FBXO10: variants seen among roughly 807,000 people sequenced by gnomAD.
FBXO10 encodes F-box protein 10, also known as F-box only protein 10.
A neutral mutation model predicts 80.7 loss-of-function variants in FBXO10; 39 were observed. The observed-to-expected ratio is 0.48, with a 90% CI of 0.37 to 0.63. The LOEUF (loss-of-function observed/expected upper bound fraction) is 0.63, where lower values mean the gene tolerates loss of function less well. Among genes scored for constraint, FBXO10 ranks in the 30% least tolerant of loss-of-function variants. FBXO10 has a pLI of 0.00. For synonymous variants in FBXO10, 449 were observed against 489.6 expected, an observed-to-expected ratio of 0.92 and a Z score of 1.09; for missense variants, 1,025 against 1,269.0, an observed-to-expected ratio of 0.81 and a Z score of 2.92.
Position 37,537,948 on chromosome 9 carries a change from G to C in FBXO10, c.586-5C>G. The C allele has an allele frequency of 6.2e-7, 1 of 1,609,810 alleles. No individual in the cohort carries two copies. The highest frequency in any genetic ancestry group is 8.5e-7 in the Non-Finnish European group (1 of 1,176,826). On this transcript the variant is annotated splice_polypyrimidine_tract_variant and splice_region_variant and intron_variant, in intron 2 of 10. Transcript: ENST00000432825. ...CTGGACGTGACCTGATGTTGTCTGG[G>C]GAATGAAAAGAAGAAAACGGCTGTA... is the stretch of plus-strand genomic sequence containing the variant.
At chr9:37,549,366 G>C (rs1017447268) in intron 1 of FBXO10, among the ~76,000 whole-genome samples, 2 of 152,140 alleles carry the variant, frequency 1.3e-5, no homozygotes, top group Non-Finnish European at 2.9e-5. Flanking sequence ...GTAGTTTAGA[G>C]AATCATTTTA....
At chr9:37,524,382 C>T (rs947843173) in intron 6 of FBXO10, among the ~76,000 whole-genome samples, 4 of 152,250 alleles carry the variant, frequency 2.6e-5, no homozygotes, top group African/African-American at 9.6e-5. Context: ...CAGTGGCTGA[C>T]AGCCTCGTTC....
chr9:37,553,475 G>C (rs751407014), intron 1 of FBXO10, among the ~76,000 whole-genome samples: 4 of 152,030 alleles, frequency 2.6e-5, no homozygotes, highest in African/African-American at 7.3e-5. Flanking sequence ...AGTCCTCCTG[G>C]CACAACCCCT....
At chr9:37,550,868 C>T (rs189496574) in intron 1 of FBXO10, among the ~76,000 whole-genome samples, 102 of 152,322 alleles carry the variant, frequency 6.7e-4, no homozygotes, top group Non-Finnish European at 6.5e-4. Context: ...CAAAGTGCAT[C>T]CATCCCAATA....
intron 1 of FBXO10, among the ~76,000 whole-genome samples, chr9:37,574,912 C>A (rs923889163): frequency 6.6e-6 from 1 of 152,184 alleles, no homozygotes; most frequent in Non-Finnish European, 1.5e-5. Context: ...TTCCATATAG[C>A]TGCTGAATAA....
chr9:37,560,632 TTTTA>T (rs1588857396), intron 1 of FBXO10, among the ~76,000 whole-genome samples: 1 of 40,668 alleles, frequency 2.5e-5, no homozygotes, highest in African/African-American at 1.9e-4. Context: ...AGGTAACACT[TTTTA>T]TTTTATTTTT....
At chr9:37,539,319 C>T (rs1216541028) in intron 2 of FBXO10, among the ~76,000 whole-genome samples, 1 of 152,216 alleles carries the variant, frequency 6.6e-6, no homozygotes, top group Non-Finnish European at 1.5e-5. Flanking sequence ...TAAGGTTCTC[C>T]TTAGAAGTCA....
At chr9:37,564,525 T>C (rs896593681) in intron 1 of FBXO10, among the ~76,000 whole-genome samples, 1 of 152,134 alleles carries the variant, frequency 6.6e-6, no homozygotes, top group Non-Finnish European at 1.5e-5. Flanking sequence ...AGGAGGTGGG[T>C]TGTATCCTGC....
chr9:37,541,348 A>G lies in FBXO10; in HGVS notation c.421T>C (p.Tyr141His). 6.2e-7 allele frequency: 1 copy of G among 1,613,976 alleles called. No homozygotes were observed. The highest frequency in any genetic ancestry group is 1.7e-5 in the Admixed American group (1 of 60,016). ...YDRIVLFPGV[Y>H]EEQGEIILKV... The stretch of plus-strand genomic sequence containing the variant: ...AAGATGATTTCACCTTGCTCTTCGT[A>G]CACACCTGGGAAGAGCACAATTCGG... Residue 141 changes from tyrosine to histidine, a missense_variant, in exon 2 of 11, where the codon TAC becomes CAC. Physicochemically the swap from Tyr to His is moderately conservative, Grantham distance 83 (BLOSUM62 2). Transcript: ENST00000432825.
chr9:37,564,323 C>A (rs1172192955), intron 1 of FBXO10, among the ~76,000 whole-genome samples: 1 of 152,112 alleles, frequency 6.6e-6, no homozygotes, highest in Admixed American at 6.5e-5. Flanking sequence ...ATGGAGAACA[C>A]CTGCTTGGGC....
chr9:37,522,777 A>T (rs1821374828), intron 7 of FBXO10, 48 bp downstream of exon 7: 5 of 1,546,786 alleles, frequency 3.2e-6, no homozygotes, highest in Non-Finnish European at 4.4e-6. Context: ...CTGGAGATGG[A>T]ACCTGGGCTT....
chr9:37,554,735 T>C (rs1459310343), intron 1 of FBXO10, among the ~76,000 whole-genome samples: 2 of 152,242 alleles, frequency 1.3e-5, no homozygotes, highest in Admixed American at 1.3e-4. Context: ...GCATAATATT[T>C]TGAGATTCAT....
At chr9:37,564,084 G>A (rs913224606) in intron 1 of FBXO10, among the ~76,000 whole-genome samples, 8 of 152,226 alleles carry the variant, frequency 5.3e-5, no homozygotes, top group Non-Finnish European at 1.2e-4. Flanking sequence ...ATGGTACCCT[G>A]CATCCCAGCT....
At chr9:37,563,989 C>A (rs983463193) in intron 1 of FBXO10, among the ~76,000 whole-genome samples, 10 of 152,210 alleles carry the variant, frequency 6.6e-5, no homozygotes, top group Non-Finnish European at 1.2e-4. Flanking sequence ...CCCCTCCCAT[C>A]ACAGGCCCAA....
chr9:37,512,717 C>G lies in FBXO10; in HGVS notation c.2701G>C (p.Asp901His). 1 of 1,613,266 alleles carries G rather than the reference C, an allele frequency of 6.2e-7. No homozygotes were observed. Among genetic ancestry groups the G allele is most frequent in the Non-Finnish European group, 8.5e-7 (1 of 1,179,484 alleles). Residue 901 changes from aspartate to histidine, a missense_variant, in exon 11 of 11, where the codon GAT becomes CAT. Transcript: ENST00000432825. ...NKFLVFKKKSDTWRLVNPPAR... is the reference protein window; with the variant it reads ...NKFLVFKKKSHTWRLVNPPAR... ...GGTGGGTTCACCAGGCGCCACGTATCAGACCTGGAGGTGCAAAACGAAAGT... is the reference window on the plus strand; with the variant it reads ...GGTGGGTTCACCAGGCGCCACGTATGAGACCTGGAGGTGCAAAACGAAAGT...
At chr9:37,551,149 A>T (rs1027318803) in intron 1 of FBXO10, among the ~76,000 whole-genome samples, 17 of 152,328 alleles carry the variant, frequency 1.1e-4, no homozygotes, top group South Asian at 8.3e-4. Context: ...AACAACACTA[A>T]ATCTTAAGGC....
At chr9:37,530,261 T>G (rs1216801390) in intron 4 of FBXO10, among the ~76,000 whole-genome samples, 1 of 152,246 alleles carries the variant, frequency 6.6e-6, no homozygotes, top group Non-Finnish European at 1.5e-5. Context: ...CTTTAAAGTG[T>G]TTCGTGTGCA....
chr9:37,533,314 G>C (rs1821674944), intron 3 of FBXO10, among the ~76,000 whole-genome samples: 1 of 152,174 alleles, frequency 6.6e-6, no homozygotes, highest in African/African-American at 2.4e-5. Flanking sequence ...GGGAGGCCGA[G>C]GTGGGCGGAT....
chr9:37,525,299 T>C, intron 5 of FBXO10, 127 bp from the exon 6 acceptor site: 1 of 861,512 alleles, frequency 1.2e-6, no homozygotes, highest in Non-Finnish European at 1.8e-6. Context: ...CCGGGTGTGG[T>C]GGTGTGCACC....
Sources: allele counts gnomAD v4.1 joint callset (sites outside exome capture counted in the v4.1 genomes callset), GRCh38; gene constraint gnomAD v4.1.1; transcripts MANE v1.5; gene names NCBI Gene and HGNC (gene_info 2026-07-23, HGNC 2026-07-21).